POLR2F: variants seen among roughly 807,000 people sequenced by gnomAD.
POLR2F encodes DNA-directed RNA polymerases I, II, and III subunit RPABC2.
POLR2F carries 12 observed loss-of-function variants against 22.7 expected under a neutral mutation model. The ratio of observed to expected loss-of-function variants is 0.53; its 90% CI spans 0.34 to 0.86. POLR2F has a LOEUF of 0.86. Among genes scored for constraint, POLR2F ranks in the 40% least tolerant of loss-of-function variants. POLR2F has a pLI of 0.02. For synonymous variants in POLR2F, 57 were observed against 66.0 expected (o/e 0.86, Z 0.66); for missense variants, 126 against 171.5 (o/e 0.73, Z 1.48).
intron 3 of POLR2F, among the ~76,000 whole-genome samples, 171 bp downstream of exon 3, chr22:37,959,647 C>T (rs1438764506): frequency 1.3e-5 from 2 of 151,598 alleles, no homozygotes; most frequent in African/African-American, 4.8e-5. Context: ...CCTCAGGGAG[C>T]TTGTGATCTA....
At position 38,017,654 on chromosome 22, in the gene POLR2F, T is replaced by C. The variant is rs1457794777; in HGVS notation, c.121-8215T>C. Among the ~76,000 whole-genome samples the C allele has an allele frequency of 6.6e-6, 1 of 152,172 alleles. No individual in the cohort carries two copies. Among genetic ancestry groups the C allele is most frequent in the Non-Finnish European group, 1.5e-5 (1 of 68,018 alleles). On this transcript the variant is annotated intron_variant, in intron 1 of 2. Transcript: ENST00000333418. The surrounding 1 kb of genome is among the most constrained non-coding windows in gnomAD (Gnocchi z 4.1). ...CAGCATCTCAGGGCTGGAGGGGCCCTCTGAGGCTGTGGCCTCTCCCTGCAA... is the reference window on the plus strand; with the variant it reads ...CAGCATCTCAGGGCTGGAGGGGCCCCCTGAGGCTGTGGCCTCTCCCTGCAA...
intron 1 of POLR2F, among the ~76,000 whole-genome samples, chr22:37,989,777 T>C (rs1932684295): frequency 6.6e-6 from 1 of 152,238 alleles, no homozygotes; most frequent in South Asian, 2.1e-4. Context: ...CACTCTGCTC[T>C]ATTGCCCCTA....
intron 3 of POLR2F, among the ~76,000 whole-genome samples, chr22:37,966,814 C>T (rs1931869446): frequency 6.6e-6 from 1 of 152,186 alleles, no homozygotes; most frequent in Admixed American, 6.5e-5. Context: ...GCACTGGGCA[C>T]TGAGGCAAGG....
chr22:38,028,611 C>T (rs751779423), downstream of POLR2F, among the ~76,000 whole-genome samples: 8 of 151,852 alleles, frequency 5.3e-5, no homozygotes, highest in African/African-American at 7.3e-5. Flanking sequence ...TGTGTATGCA[C>T]GTGCATGTCT....
At chr22:38,020,167 A>G (rs571705351) in intron 1 of POLR2F, among the ~76,000 whole-genome samples, 1 of 151,708 alleles carries the variant, frequency 6.6e-6, no homozygotes, top group East Asian at 2.0e-4. Context: ...TGGGCAACAC[A>G]GCGAGACCTT....
At chr22:38,024,266 G>C (rs778267147) in intron 1 of POLR2F, among the ~76,000 whole-genome samples, 2 of 152,126 alleles carry the variant, frequency 1.3e-5, no homozygotes, top group Non-Finnish European at 2.9e-5. Context: ...ATCTTGTGGC[G>C]TGTGTCAGAA....
rs1156963363 is a variant in POLR2F, at chr22:38,034,293, A to G, written c.453-6775A>G. 1.8e-5 allele frequency: 3 copies of G among 164,394 alleles called. No homozygotes were observed. The East Asian group carries it at 5.8e-4, about 32-fold the overall frequency. The allele number at this position is 164,394 out of a possible 1,614,324, so 10.2% of individuals were successfully genotyped here. Reference sequence around the variant, plus strand: ...CTCGGGCCACAGCCTCTTCCCTTCCATGCACCCCTGCGTCCCAGGCCTGGC... The same window carrying G: ...CTCGGGCCACAGCCTCTTCCCTTCCGTGCACCCCTGCGTCCCAGGCCTGGC... On this transcript the variant is annotated intron_variant, in intron 5 of 5. Coordinates refer to the POLR2F transcript ENST00000407936.
At chr22:38,007,213 C>T (rs1012954317) in intron 1 of POLR2F, among the ~76,000 whole-genome samples, 28 of 152,154 alleles carry the variant, frequency 1.8e-4, no homozygotes, top group African/African-American at 6.5e-4. Flanking sequence ...ACCATGTCTC[C>T]GGCAGGCCCC....
At chr22:38,000,303 A>G (rs903768682) in intron 1 of POLR2F, among the ~76,000 whole-genome samples, 1 of 152,200 alleles carries the variant, frequency 6.6e-6, no homozygotes, top group Admixed American at 6.5e-5. Flanking sequence ...TGAGGTCTAG[A>G]AAAGAGAGGG....
rs1932579549 is a variant in POLR2F, at chr22:37,986,377, T to C, written c.120+65T>C. 1 of 1,528,854 alleles carries C rather than the reference T, an allele frequency of 6.5e-7. No individual in the cohort carries two copies. The highest frequency in any genetic ancestry group is 2.0e-5 in the Admixed American group (1 of 50,628). 94.7% of individuals were successfully genotyped at this position (1,528,854 alleles called of 1,614,324 possible). On this transcript the variant is annotated intron_variant, in intron 1 of 2. Coordinates refer to the POLR2F transcript ENST00000333418. The surrounding 1 kb of genome is among the most constrained non-coding windows in gnomAD (Gnocchi z 4.7). The stretch of plus-strand genomic sequence containing the variant: ...CTTTGAGGAAAGGACCTCCCCGCTC[T>C]CTGCTGTGTCTGTGACTGGCCTGAG...
chr22:38,040,987 G>T, intron 5 of POLR2F: 4 of 1,603,538 alleles, frequency 2.5e-6, no homozygotes, highest in South Asian at 2.2e-5. Context: ...AAAGGCTGAA[G>T]TTCTTCATGT....
At position 38,016,397 on chromosome 22, in the gene POLR2F, C is replaced by G. The variant is rs78653311; in HGVS notation, c.121-9472C>G. On this transcript the variant is annotated intron_variant, in intron 1 of 2. Coordinates refer to the POLR2F transcript ENST00000333418. This position sits in a 1 kb window ranked among gnomAD's most constrained non-coding sequence, Gnocchi z 4.4. Reference sequence around the variant, plus strand: ...CTGGGATGCTCCAGGAAGTGCTGCGCTTGACACACGCCCCCATCCGCCACC... The same window carrying G: ...CTGGGATGCTCCAGGAAGTGCTGCGGTTGACACACGCCCCCATCCGCCACC... 0.03 allele frequency among the ~76,000 whole-genome samples: 4,541 copies of G among 152,334 alleles called. 215 individuals are homozygous for G. Among genetic ancestry groups the G allele is most frequent in the African/African-American group, 0.1 (4,286 of 41,550 alleles).
At chr22:37,971,129 G>C (rs1932038201), downstream of POLR2F, 1 of 427,370 alleles carries the variant, frequency 2.3e-6, no homozygotes, top group Non-Finnish European at 4.9e-6. Context: ...TGCCCAGTCT[G>C]GAGCAGTGGA....
downstream of POLR2F, among the ~76,000 whole-genome samples, chr22:38,031,219 G>A (rs1012236381): frequency 5.9e-5 from 9 of 152,136 alleles, no homozygotes; most frequent in African/African-American, 2.2e-4. The surrounding 1 kb of genome is among the most constrained non-coding windows in gnomAD (Gnocchi z 4.1). Context: ...TGGACAATCT[G>A]CTTCATCTTT....
At chr22:38,006,760 G>A (rs748693596) in intron 1 of POLR2F, among the ~76,000 whole-genome samples, 1 of 152,188 alleles carries the variant, frequency 6.6e-6, no homozygotes, top group Non-Finnish European at 1.5e-5. Flanking sequence ...CATGGCCCCA[G>A]CTCTGTCACC....
At position 37,968,153 on chromosome 22, in the gene POLR2F, C is replaced by G. The variant is rs1931931246; in HGVS notation, c.*438C>G. On this transcript the variant is annotated 3_prime_UTR_variant, in exon 5 of 5. Coordinates refer to ENST00000442738, the MANE Select transcript of POLR2F (RefSeq NM_021974.5). ...CACAGAGCAGGTCTCATCAAGCCAC[C>G]CATTGTTTCCTAAGGACCTGCTTCG... 1.0e-6 allele frequency: 1 copy of G among 985,878 alleles called. No individual in the cohort carries two copies. Among genetic ancestry groups the G allele is most frequent in the Admixed American group, 6.1e-5 (1 of 16,298 alleles). 61.1% of individuals were successfully genotyped at this position (985,878 alleles called of 1,614,324 possible). A position where few individuals can be genotyped will look rare whatever the true frequency, so the allele number is the denominator to read the frequency against.
intron 1 of POLR2F, among the ~76,000 whole-genome samples, chr22:38,008,794 G>C (rs2084846379): frequency 6.6e-6 from 1 of 151,162 alleles, no homozygotes; most frequent in Non-Finnish European, 1.5e-5. Flanking sequence ...GGAGGCAGAG[G>C]TTGCAGTGAG....
intron 1 of POLR2F, among the ~76,000 whole-genome samples, chr22:38,004,519 G>A (rs1254958975): frequency 6.6e-6 from 1 of 152,142 alleles, no homozygotes; most frequent in African/African-American, 2.4e-5. Flanking sequence ...TGCCAGAATG[G>A]AGCAAGAGAT....
At chr22:37,966,978 C>A in intron 3 of POLR2F, 121 bp from the exon 4 acceptor site, 1 of 683,408 alleles carries the variant, frequency 1.5e-6, no homozygotes, top group South Asian at 1.8e-5. Flanking sequence ...CCCTACTGTG[C>A]CTGCCTACCT....
Sources: allele counts gnomAD v4.1 joint callset (sites outside exome capture counted in the v4.1 genomes callset), GRCh38; gene constraint gnomAD v4.1.1; non-coding constraint Gnocchi (gnomAD v3.1); transcripts MANE v1.5; gene names NCBI Gene and HGNC (gene_info 2026-07-23, HGNC 2026-07-21).